The following MEGF9 variants were observed in gnomAD, a reference collection of about 807,000 sequenced individuals.
The protein encoded by MEGF9 is multiple EGF like domains 9, also known as multiple epidermal growth factor-like domains protein 9.
In MEGF9, 6 loss-of-function variants were observed where a neutral mutation model predicts 46.8. The observed-to-expected ratio is 0.13, with a 90% CI of 0.07 to 0.25. MEGF9 has a LOEUF of 0.25. Among genes scored for constraint, MEGF9 ranks in the 10% least tolerant of loss-of-function variants. The pLI is 1.00. For synonymous variants in MEGF9, 302 were observed against 330.7 expected, an observed-to-expected ratio of 0.91 and a Z score of 0.94; for missense variants, 683 against 792.4, an observed-to-expected ratio of 0.86 and a Z score of 1.66.
chr9:120,667,482 C>G (rs1236489858), intron 1 of MEGF9, among the ~76,000 whole-genome samples: 1 of 152,024 alleles, frequency 6.6e-6, no homozygotes, highest in Non-Finnish European at 1.5e-5. Flanking sequence ...TTGTTTGTTT[C>G]TTTTTCAGAT....
chr9:120,645,981 T>C (rs1564419307), intron 2 of MEGF9, among the ~76,000 whole-genome samples: 1 of 152,164 alleles, frequency 6.6e-6, no homozygotes, highest in Admixed American at 6.5e-5. Flanking sequence ...GGAAGAATGG[T>C]AAGCACAGGG....
chr9:120,690,965 T>G (rs191972559), intron 1 of MEGF9, among the ~76,000 whole-genome samples: 1 of 152,198 alleles, frequency 6.6e-6, no homozygotes, highest in African/African-American at 2.4e-5. Flanking sequence ...GGAATGAGCA[T>G]GGTTCCAATG....
chr9:120,708,962 T>C (rs757755993), intron 1 of MEGF9, among the ~76,000 whole-genome samples: 65 of 152,300 alleles, frequency 4.3e-4, no homozygotes, highest in Middle Eastern at 6.8e-3. Context: ...GTCAACAACA[T>C]AATGCGGCTG....
At chr9:120,691,257 T>C (rs1233558656) in intron 1 of MEGF9, among the ~76,000 whole-genome samples, 2 of 152,084 alleles carry the variant, frequency 1.3e-5, no homozygotes, top group Non-Finnish European at 2.9e-5. Flanking sequence ...GCAACATAAA[T>C]GGATAGGGGT....
chr9:120,611,704 T>G (rs1363416948), intron 4 of MEGF9, among the ~76,000 whole-genome samples: 1 of 151,940 alleles, frequency 6.6e-6, no homozygotes, highest in Non-Finnish European at 1.5e-5. Context: ...TTTGAGACTA[T>G]GTACTAAAAA....
chr9:120,605,064 G>T lies in MEGF9; in HGVS notation c.*126C>A. 1 of 930,202 alleles carries T rather than the reference G, an allele frequency of 1.1e-6. No homozygotes were observed. The highest frequency in any genetic ancestry group is 1.6e-6 in the Non-Finnish European group (1 of 627,450). The allele number at this position is 930,202 out of a possible 1,614,324, so 57.6% of individuals were successfully genotyped here. ...CTAAGCGCATTACAAATTTGTACCTGAAAATTTCAGATGCACTATTTGCCT... is the reference window on the plus strand; with the variant it reads ...CTAAGCGCATTACAAATTTGTACCTTAAAATTTCAGATGCACTATTTGCCT... On this transcript the variant is annotated 3_prime_UTR_variant, in exon 6 of 6. Transcript: ENST00000373930. The surrounding 1 kb of genome is among the most constrained non-coding windows in gnomAD (Gnocchi z 4.0).
chr9:120,637,250 T>A lies in MEGF9; in HGVS notation c.804-14495A>T, dbSNP rs1304561342. ...CATGCTCGTTAAGAGTCATCACCACTCCCTAATGTCAAGTACCCAGGGACA... is the reference window on the plus strand; with the variant it reads ...CATGCTCGTTAAGAGTCATCACCACACCCTAATGTCAAGTACCCAGGGACA... On this transcript the variant is annotated intron_variant, in intron 2 of 5. Transcript: ENST00000373930. Among the ~76,000 whole-genome samples the A allele has an allele frequency of 2.0e-5, 3 of 152,026 alleles. No individual in the cohort carries two copies. In the East Asian group the frequency reaches 5.8e-4, roughly 29 times the overall value.
At chr9:120,645,750 T>C (rs144044349) in intron 2 of MEGF9, among the ~76,000 whole-genome samples, 89 of 152,338 alleles carry the variant, frequency 5.8e-4, no homozygotes, top group Middle Eastern at 3.4e-3. Context: ...TTTGCTACCC[T>C]CAAAGGCCTC....
At chr9:120,670,651 CCTT>C (rs1348991815) in intron 1 of MEGF9, among the ~76,000 whole-genome samples, 1 of 152,156 alleles carries the variant, frequency 6.6e-6, no homozygotes, top group East Asian at 1.9e-4. Context: ...GAAACTGAGA[CCTT>C]CTTTTTCTCT....
chr9:120,610,455 CT>C (rs1296853738), intron 4 of MEGF9, among the ~76,000 whole-genome samples: 1 of 152,176 alleles, frequency 6.6e-6, no homozygotes, highest in Non-Finnish European at 1.5e-5. Context: ...TACTTTGTTT[CT>C]GCCATTCTTA....
intron 1 of MEGF9, among the ~76,000 whole-genome samples, chr9:120,680,105 A>G (rs2043791648): frequency 6.6e-6 from 1 of 152,208 alleles, no homozygotes; most frequent in South Asian, 2.1e-4. Flanking sequence ...TTTCCTCAAA[A>G]CAGCTATTTT....
At chr9:120,625,527 C>A (rs532797838) in intron 2 of MEGF9, among the ~76,000 whole-genome samples, 1 of 148,694 alleles carries the variant, frequency 6.7e-6, no homozygotes, top group South Asian at 2.1e-4. Flanking sequence ...CAGGGAGACT[C>A]TGTCTCTTAA....
intron 1 of MEGF9, among the ~76,000 whole-genome samples, chr9:120,692,007 A>G (rs2043850599): frequency 6.6e-6 from 1 of 152,210 alleles, no homozygotes; most frequent in Non-Finnish European, 1.5e-5. Context: ...AGTAAGTTAA[A>G]TACTTCTTAT....
At chr9:120,624,633 G>A (rs913482811) in intron 2 of MEGF9, among the ~76,000 whole-genome samples, 1 of 152,184 alleles carries the variant, frequency 6.6e-6, no homozygotes, top group Admixed American at 6.5e-5. Context: ...TTGGGAGGCT[G>A]AGGTGGGTGG....
intron 2 of MEGF9, among the ~76,000 whole-genome samples, chr9:120,645,203 G>T (rs764048096): frequency 1.2e-4 from 19 of 152,332 alleles, no homozygotes; most frequent in Non-Finnish European, 2.2e-4. Context: ...TTAGTGAAAA[G>T]ATTCTACAAA....
intron 2 of MEGF9, among the ~76,000 whole-genome samples, chr9:120,628,132 A>G (rs1004065272): frequency 6.6e-6 from 1 of 152,226 alleles, no homozygotes; most frequent in Non-Finnish European, 1.5e-5. Context: ...AAGGTTTTAT[A>G]TGGAAAAATA....
intron 1 of MEGF9, among the ~76,000 whole-genome samples, chr9:120,683,828 A>G (rs2043809455): frequency 6.6e-6 from 1 of 152,116 alleles, no homozygotes; most frequent in African/African-American, 2.4e-5. Flanking sequence ...TGGGAAGTTG[A>G]GGCTGCAGTG....
intron 1 of MEGF9, among the ~76,000 whole-genome samples, chr9:120,686,542 GA>G: frequency 6.6e-6 from 1 of 152,240 alleles, no homozygotes. Context: ...GAAAAGGAGA[GA>G]GGGAGCTATC....
At chr9:120,701,126 A>G (rs1324929053) in intron 1 of MEGF9, among the ~76,000 whole-genome samples, 2 of 150,754 alleles carry the variant, frequency 1.3e-5, no homozygotes, top group Non-Finnish European at 2.9e-5. Context: ...CTCAAAAAAA[A>G]GAAAAAAAAA....
Sources: gnomAD v4.1 joint callset for allele counts (sites outside exome capture counted in the v4.1 genomes callset) on GRCh38, gnomAD v4.1.1 for gene constraint, Gnocchi (gnomAD v3.1) non-coding constraint, MANE v1.5 for transcripts, NCBI Gene and HGNC (gene_info 2026-07-23, HGNC 2026-07-21) for gene names.